The following ANKRD22 variants were observed in gnomAD, a reference collection of about 807,000 sequenced individuals.
The protein encoded by ANKRD22 is ankyrin repeat domain-containing protein 22.
A neutral mutation model predicts 25.7 loss-of-function variants in ANKRD22; 24 were observed. That is an observed-to-expected ratio of 0.93 (90% CI 0.68 to 1.31). The LOEUF is 1.31. Ranked by LOEUF, ANKRD22 falls within the 50% of genes most tolerant of loss-of-function variation. The pLI, the probability that ANKRD22 is intolerant of heterozygous loss-of-function variation, is 0.00. For missense variants in ANKRD22, 214 were observed against 227.1 expected (o/e 0.94, Z 0.37); for synonymous variants, 84 against 84.3 (o/e 1.00, Z 0.02).
intron 1 of ANKRD22, among the ~76,000 whole-genome samples, chr10:88,845,561 C>A (rs1844040084): frequency 6.6e-6 from 1 of 152,074 alleles, no homozygotes; most frequent in Non-Finnish European, 1.5e-5. Flanking sequence ...CTGAGTGTTC[C>A]CATCTCATCA....
At chr10:88,824,999 T>TCACACACACA (rs1242949843) in intron 4 of ANKRD22, among the ~76,000 whole-genome samples, 1 of 81,990 alleles carries the variant, frequency 1.2e-5, no homozygotes, top group East Asian at 6.0e-4. Flanking sequence ...TCTCTCTCTC[T>TCACACACACA]CTCTCTCTCT....
At chr10:88,848,668 A>G (rs890176299) in intron 1 of ANKRD22, among the ~76,000 whole-genome samples, 1 of 152,160 alleles carries the variant, frequency 6.6e-6, no homozygotes, top group African/African-American at 2.4e-5. Context: ...TTGTAATATT[A>G]AAACTGTGAC....
In ANKRD22 at chr10:88,829,623, G is replaced by A. The variant is rs536377326; in HGVS notation, c.214-957C>T. ...ATCTTGCTTTTTTCAGTTCAGAAAC[G>A]TATATTTAGAATATGTACATTTTTC... On this transcript the variant is annotated intron_variant, in intron 2 of 5. Transcript: ENST00000371930. Among the ~76,000 whole-genome samples, 54 of 152,028 alleles carry A rather than the reference G, an allele frequency of 3.6e-4. 2 individuals carry two copies. Among genetic ancestry groups the A allele is most frequent in the Middle Eastern group, 6.8e-3 (2 of 294 alleles).
chr10:88,845,884 A>G (rs186509058), intron 1 of ANKRD22, among the ~76,000 whole-genome samples: 93 of 152,212 alleles, frequency 6.1e-4, no homozygotes, highest in Admixed American at 3.3e-3. Flanking sequence ...TGTTTTGCAT[A>G]AAATCTAAAT....
At chr10:88,823,189 G>C in intron 5 of ANKRD22, 91 bp downstream of exon 5, 1 of 1,324,562 alleles carries the variant, frequency 7.5e-7, no homozygotes, top group Non-Finnish European at 1.1e-6. Flanking sequence ...TGTTGTTTAC[G>C]TCAGAGGCAA....
chr10:88,824,876 C>T (rs1409607520), intron 4 of ANKRD22, among the ~76,000 whole-genome samples: 2 of 152,048 alleles, frequency 1.3e-5, no homozygotes, highest in Admixed American at 1.3e-4. Context: ...TAATATATTT[C>T]AAAGCTATCT....
At chr10:88,826,774 G>A (rs540641677) in intron 3 of ANKRD22, among the ~76,000 whole-genome samples, 4 of 152,042 alleles carry the variant, frequency 2.6e-5, no homozygotes, top group South Asian at 2.1e-4. Flanking sequence ...AACACCAGTC[G>A]CCTTTCTGTA....
chr10:88,836,316 A>C (rs1843953955), intron 1 of ANKRD22, among the ~76,000 whole-genome samples: 1 of 152,232 alleles, frequency 6.6e-6, no homozygotes, highest in Non-Finnish European at 1.5e-5. Flanking sequence ...CCCATAACAT[A>C]GTGCCTGGCA....
At chr10:88,835,057 G>C (rs1261435045) in intron 1 of ANKRD22, among the ~76,000 whole-genome samples, 1 of 152,080 alleles carries the variant, frequency 6.6e-6, no homozygotes, top group Admixed American at 6.5e-5. Flanking sequence ...CCCACCACTC[G>C]CCATCACATT....
rs1843935991 is a variant in ANKRD22 at position 88,834,673 on chromosome 10, G to A, written c.22-2647C>T. 3.3e-5 allele frequency among the ~76,000 whole-genome samples: 5 copies of A among 152,174 alleles called. No individual in the cohort carries two copies. The South Asian group carries it at 1.0e-3, about 32-fold the overall frequency. The stretch of plus-strand genomic sequence containing the variant: ...GTTTTGGCTGGGCGCGATGGCTTAC[G>A]CCTGTAATCCTAGCACTTTGGGAGG... On this transcript the variant is annotated intron_variant, in intron 1 of 5. Transcript: ENST00000371930.
At chr10:88,826,182 T>A (rs1208385683) in intron 3 of ANKRD22, 67 bp from the exon 4 acceptor site, 3 of 1,334,502 alleles carry the variant, frequency 2.2e-6, no homozygotes, top group East Asian at 4.6e-5. Context: ...TGCCTGAGAC[T>A]ATTTAATCAA....
intron 1 of ANKRD22, among the ~76,000 whole-genome samples, chr10:88,833,547 A>T (rs186420580): frequency 2.6e-5 from 4 of 152,230 alleles, no homozygotes; most frequent in African/African-American, 9.6e-5. Flanking sequence ...TCAAGGGGAA[A>T]GTCAAGTGGG....
At chr10:88,830,226 T>A (rs950155487) in intron 2 of ANKRD22, among the ~76,000 whole-genome samples, 1 of 152,266 alleles carries the variant, frequency 6.6e-6, no homozygotes, top group Non-Finnish European at 1.5e-5. Context: ...AAAGTATTAA[T>A]GCTTTTCATA....
Position 88,835,583 on chromosome 10 carries a change from T to G in ANKRD22, c.22-3557A>C, listed in dbSNP as rs545000887. ...TAACACAATTGTAAGTATTTGTGCATCTAAACATAGGTGAACATATAAAAA... is the reference window on the plus strand; with the variant it reads ...TAACACAATTGTAAGTATTTGTGCAGCTAAACATAGGTGAACATATAAAAA... On this transcript the variant is annotated intron_variant, in intron 1 of 5. Transcript: ENST00000371930. Among the ~76,000 whole-genome samples the G allele has an allele frequency of 5.3e-5, 8 of 152,288 alleles. No homozygotes were observed. In the South Asian group the frequency reaches 1.7e-3, roughly 32 times the overall value.
chr10:88,829,039 C>A (rs1049977542), intron 2 of ANKRD22, among the ~76,000 whole-genome samples: 7 of 152,188 alleles, frequency 4.6e-5, no homozygotes, highest in Admixed American at 4.6e-4. Flanking sequence ...ACCATGTGTA[C>A]GATTATCCAT....
At chr10:88,850,430 C>T (rs1428089147) in intron 1 of ANKRD22, among the ~76,000 whole-genome samples, 4 of 152,142 alleles carry the variant, frequency 2.6e-5, no homozygotes, top group African/African-American at 9.7e-5. Flanking sequence ...CGGGAAAGCA[C>T]TGGCCTGTGG....
chr10:88,836,638 T>A (rs146585002), intron 1 of ANKRD22, among the ~76,000 whole-genome samples: 45 of 152,270 alleles, frequency 3.0e-4, no homozygotes, highest in African/African-American at 9.9e-4. Context: ...GCTACAAGAC[T>A]TCGCATTTGA....
intron 1 of ANKRD22, among the ~76,000 whole-genome samples, chr10:88,850,266 G>C (rs1336695118): frequency 6.6e-6 from 1 of 151,920 alleles, no homozygotes; most frequent in African/African-American, 2.4e-5. Context: ...GATGAGACTA[G>C]GCTTTTTTTT....
rs1184752199 is a variant in ANKRD22, at chr10:88,823,024, G to A, written c.499-6C>T. 1.2e-6 allele frequency: 2 copies of A among 1,611,718 alleles called. No homozygotes were observed. The highest frequency in any genetic ancestry group is 3.3e-5 in the Admixed American group (2 of 59,992). Reference sequence around the variant, plus strand: ...TCCAGTGAGCTCTCACCATGCTGAGGGGGGAAAAATATACAGTTATTTCCA... The same window carrying A: ...TCCAGTGAGCTCTCACCATGCTGAGAGGGGAAAAATATACAGTTATTTCCA... On this transcript the variant is annotated splice_region_variant and splice_polypyrimidine_tract_variant and intron_variant, in intron 5 of 5. Coordinates refer to ENST00000371930, the MANE Select transcript of ANKRD22 (RefSeq NM_144590.3).
Sources: gnomAD v4.1 joint callset for allele counts (sites outside exome capture counted in the v4.1 genomes callset) on GRCh38, gnomAD v4.1.1 for gene constraint, MANE v1.5 for transcripts, NCBI Gene and HGNC (gene_info 2026-07-23, HGNC 2026-07-21) for gene names.